The following EFEMP1 variants were observed in gnomAD, a reference collection of about 807,000 sequenced individuals.
EFEMP1 encodes EGF-like fibulin extracellular matrix protein 1.
A neutral mutation model predicts 65.7 loss-of-function variants in EFEMP1; 18 were observed. The observed-to-expected ratio is 0.27, with a 90% CI of 0.19 to 0.41. The LOEUF (loss-of-function observed/expected upper bound fraction) is 0.41. Among genes scored for constraint, EFEMP1 ranks in the 10% least tolerant of loss-of-function variants. EFEMP1 has a pLI of 1.00. For missense variants in EFEMP1, 469 were observed against 624.8 expected, an observed-to-expected ratio of 0.75 and a Z score of 2.66; for synonymous variants, 237 against 219.7, an observed-to-expected ratio of 1.08 and a Z score of -0.70.
Position 55,923,757 on chromosome 2 carries a change from G to A in EFEMP1, c.-95C>T, listed in dbSNP as rs989914626. The A allele has an allele frequency of 1.0e-6, 1 of 986,028 alleles. No individual in the cohort carries two copies. Among genetic ancestry groups the A allele is most frequent in the Non-Finnish European group, 1.2e-6 (1 of 830,452 alleles). 61.1% of individuals were successfully genotyped at this position (986,028 alleles called of 1,614,324 possible). Reference sequence around the variant, plus strand: ...CGGGCCCGGGCAGCGAGGGGAGTGCGCAGGGGAGGGCAGCCCCGTGGGTCT... The same window carrying A: ...CGGGCCCGGGCAGCGAGGGGAGTGCACAGGGGAGGGCAGCCCCGTGGGTCT... On this transcript the variant is annotated 5_prime_UTR_variant, in exon 1 of 12. Transcript: ENST00000355426. This position sits in a 1 kb window ranked among gnomAD's most constrained non-coding sequence, Gnocchi z 5.3.
In EFEMP1 at chr2:55,876,719, T is replaced by G; in HGVS notation, c.784A>C (p.Asn262His). Residue 262 changes from asparagine to histidine, a missense_variant, in exon 8 of 12, where the codon AAT (asparagine) becomes CAT (histidine). Transcript: ENST00000355426. ...CVDINECDAS[N>H]QCAQQCYNIL... ...TTGTAGCACTGCTGAGCACATTGATTGCTGGCATCACATTCATTTATATCT... is the reference window on the plus strand; with the variant it reads ...TTGTAGCACTGCTGAGCACATTGATGGCTGGCATCACATTCATTTATATCT... The G allele has an allele frequency of 6.2e-7, 1 of 1,610,010 alleles. No homozygotes were observed. Among genetic ancestry groups the G allele is most frequent in the Non-Finnish European group, 8.5e-7 (1 of 1,177,532 alleles).
At position 55,886,786 on chromosome 2, in the gene EFEMP1, G is replaced by A. The variant is rs1252188373; in HGVS notation, c.518-5052C>T. Among the ~76,000 whole-genome samples the A allele has an allele frequency of 1.3e-5, 2 of 152,142 alleles. No individual in the cohort carries two copies. Among genetic ancestry groups the A allele is most frequent in the African/African-American group, 4.8e-5 (2 of 41,440 alleles). On this transcript the variant is annotated intron_variant, in intron 5 of 11. Transcript: ENST00000355426. This position sits in a 1 kb window ranked among gnomAD's most constrained non-coding sequence, Gnocchi z 4.0. ...AGTGAAGGTCTTAGAGGTATTTGGAGTATTTTGTTTTTCAATATAATCCTG... is the reference window on the plus strand; with the variant it reads ...AGTGAAGGTCTTAGAGGTATTTGGAATATTTTGTTTTTCAATATAATCCTG...
At chr2:55,906,773 T>A (rs1410789491) in intron 5 of EFEMP1, among the ~76,000 whole-genome samples, 2 of 152,218 alleles carry the variant, frequency 1.3e-5, no homozygotes, top group Non-Finnish European at 2.9e-5. Context: ...GCTTGGAGAT[T>A]CAGTTCAGTC....
intron 5 of EFEMP1, among the ~76,000 whole-genome samples, chr2:55,899,512 G>A (rs992195956): frequency 7.2e-5 from 11 of 152,316 alleles, no homozygotes; most frequent in African/African-American, 2.6e-4. Flanking sequence ...GCCTAGCAAG[G>A]AAAGGAAAGA....
intron 11 of EFEMP1, among the ~76,000 whole-genome samples, chr2:55,868,661 G>T (rs1019617824): frequency 2.0e-5 from 3 of 152,082 alleles, no homozygotes; most frequent in African/African-American, 7.2e-5. Flanking sequence ...ATTTTTTGAT[G>T]TATCTGGACC....
rs1168768201 is a variant in EFEMP1 at position 55,904,985 on chromosome 2, C to CTTT, written c.517+12677_517+12679dup. 1.3e-3 allele frequency among the ~76,000 whole-genome samples: 30 copies of CTTT among 23,186 alleles called. 1 individual carries two copies. The highest frequency in any genetic ancestry group is 8.9e-3 in the African/African-American group (26 of 2,934). The allele number at this position is 23,186 out of a possible 152,430, so 15.2% of individuals were successfully genotyped here. ...TAGTGGCTTTTTTTTTTTTCTTTTT[C>CTTT]TTTTTTTTTTTTTTTTGCTGAGCAA... On this transcript the variant is annotated intron_variant, in intron 5 of 11. Coordinates refer to ENST00000355426, the MANE Select transcript of EFEMP1 (RefSeq NM_001039348.3).
intron 5 of EFEMP1, among the ~76,000 whole-genome samples, chr2:55,897,177 C>T (rs1375697504): frequency 6.6e-6 from 1 of 152,120 alleles, no homozygotes; most frequent in East Asian, 1.9e-4. Context: ...AGGGTAGGCC[C>T]CATAAGCTTT....
chr2:55,920,533 A>G (rs1160318376), intron 3 of EFEMP1, among the ~76,000 whole-genome samples: 2 of 152,272 alleles, frequency 1.3e-5, no homozygotes, highest in Non-Finnish European at 1.5e-5. Context: ...TTATGTGGAT[A>G]CGAGCCCATT....
chr2:55,888,996 G>A (rs918029851), intron 5 of EFEMP1, among the ~76,000 whole-genome samples: 1 of 152,164 alleles, frequency 6.6e-6, no homozygotes, highest in African/African-American at 2.4e-5. Context: ...GGTGAGTGAT[G>A]AACTGAATGG....
chr2:55,909,903 C>T (rs1212907564), intron 5 of EFEMP1, among the ~76,000 whole-genome samples: 1 of 152,152 alleles, frequency 6.6e-6, no homozygotes, highest in African/African-American at 2.4e-5. Context: ...TACCTTGACT[C>T]TATTAAGCTA....
chr2:55,879,577 G>T (rs1478355413), intron 6 of EFEMP1, among the ~76,000 whole-genome samples: 1 of 152,172 alleles, frequency 6.6e-6, no homozygotes, highest in Non-Finnish European at 1.5e-5. Flanking sequence ...GGCACCCCAA[G>T]TTTATAATGA....
intron 5 of EFEMP1, among the ~76,000 whole-genome samples, chr2:55,902,346 T>C (rs1670069448): frequency 2.0e-5 from 3 of 152,236 alleles, no homozygotes; most frequent in African/African-American, 7.2e-5. Context: ...TTTAAACAGA[T>C]AGTTCTTTGC....
intron 5 of EFEMP1, among the ~76,000 whole-genome samples, chr2:55,888,334 C>CTTTT (rs71713705): frequency 4.7e-4 from 54 of 114,308 alleles, no homozygotes; most frequent in South Asian, 8.4e-4. Context: ...CCTTCTTAAA[C>CTTTT]TTTTTTTTTT....
intron 6 of EFEMP1, 133 bp downstream of exon 6, chr2:55,881,478 GT>G: frequency 9.0e-7 from 1 of 1,109,958 alleles, no homozygotes; most frequent in Admixed American, 2.0e-5. Flanking sequence ...AAATGGATTG[GT>G]AGTCTATAAA....
At chr2:55,920,763 T>G (rs1011916855) in intron 3 of EFEMP1, among the ~76,000 whole-genome samples, 1 of 152,274 alleles carries the variant, frequency 6.6e-6, no homozygotes, top group Admixed American at 6.5e-5. Context: ...CTACCATTAG[T>G]GGAAGGAAGA....
In EFEMP1 at chr2:55,877,955, ATC is replaced by A; in HGVS notation, c.641-92_641-91del. On this transcript the variant is annotated intron_variant, in intron 6 of 11. Transcript: ENST00000355426. This position sits in a 1 kb window ranked among gnomAD's most constrained non-coding sequence, Gnocchi z 4.5. ...TATCTAGAAAACCTATGTAGAGAAA[ATC>A]TCTTTTTAAAAGTAATAATTTCCTA... The A allele has an allele frequency of 6.7e-7, 1 of 1,496,252 alleles. No individual in the cohort carries two copies. Among genetic ancestry groups the A allele is most frequent in the Non-Finnish European group, 9.1e-7 (1 of 1,096,088 alleles). 92.7% of individuals were successfully genotyped at this position (1,496,252 alleles called of 1,614,324 possible).
rs1262077430 is a variant in EFEMP1, at chr2:55,922,911, G to A, written c.-20C>T. On this transcript the variant is annotated 5_prime_UTR_variant, in exon 2 of 12. Transcript: ENST00000355426. The surrounding 1 kb of genome is among the most constrained non-coding windows in gnomAD (Gnocchi z 5.5). ...CCAGTATACTCACCTTGAGCTAGCA[G>A]AGTTCCTTGCACAGCACAGCAAAAA... is the stretch of plus-strand genomic sequence containing the variant. 3.6e-6 allele frequency: 4 copies of A among 1,098,864 alleles called. No homozygotes were observed. Among genetic ancestry groups the A allele is most frequent in the Non-Finnish European group, 4.5e-6 (4 of 896,772 alleles). 68.1% of individuals were successfully genotyped at this position (1,098,864 alleles called of 1,614,324 possible).
rs755074953 is a variant in EFEMP1, at chr2:55,877,810, T to C, written c.696A>G (p.Pro232=). ...GACTGCACTGGCAATAAAATGAGCC[T>C]GGTGTATTCACGCATCTTTGGTGGC... ...PYCHQRCVNT[P]GSFYCQCSPG... is the part of the protein sequence containing the mutation. Residue 232 remains proline (P), a synonymous_variant, in exon 7 of 12, where the codon CCA becomes CCG. Coordinates refer to ENST00000355426, the MANE Select transcript of EFEMP1 (RefSeq NM_001039348.3). The surrounding 1 kb of genome is among the most constrained non-coding windows in gnomAD (Gnocchi z 4.5). 3 of 1,613,334 alleles carry C rather than the reference T, an allele frequency of 1.9e-6. No homozygotes were observed. The South Asian group carries it at 3.3e-5, about 18-fold the overall frequency.
At chr2:55,907,211 C>T (rs1034340667) in intron 5 of EFEMP1, among the ~76,000 whole-genome samples, 6 of 152,180 alleles carry the variant, frequency 3.9e-5, no homozygotes, top group African/African-American at 1.4e-4. Flanking sequence ...CATTTTGGTA[C>T]ATGGTACCTT....
Sources: gnomAD v4.1 joint callset for allele counts (sites outside exome capture counted in the v4.1 genomes callset) on GRCh38, gnomAD v4.1.1 for gene constraint, Gnocchi (gnomAD v3.1) non-coding constraint, MANE v1.5 for transcripts, NCBI Gene and HGNC (gene_info 2026-07-23, HGNC 2026-07-21) for gene names.